The following CADM2 variants were observed in gnomAD, a reference collection of about 807,000 sequenced individuals.
The protein encoded by CADM2 is immunoglobulin superfamily member 4D.
Under a neutral mutation model 49.8 loss-of-function variants are expected in CADM2, and 12 were observed. The ratio of observed to expected loss-of-function variants is 0.24; its 90% CI spans 0.15 to 0.39. The LOEUF (loss-of-function observed/expected upper bound fraction) is 0.39. Among genes scored for constraint, CADM2 ranks in the 10% least tolerant of loss-of-function variants. The probability of loss-of-function intolerance (pLI) is 1.00; values close to 1 mark genes in which losing one functional copy is unlikely to be tolerated. For synonymous variants in CADM2, 214 were observed against 175.4 expected (o/e 1.22, Z -1.74); for missense variants, 378 against 492.3 (o/e 0.77, Z 2.20).
chr3:85,476,714 G>A (rs980360477), intron 1 of CADM2, among the ~76,000 whole-genome samples: 2 of 151,670 alleles, frequency 1.3e-5, no homozygotes, highest in African/African-American at 4.8e-5. Context: ...TATTTTTAAC[G>A]CATGGCTTGC....
intron 2 of CADM2, among the ~76,000 whole-genome samples, chr3:85,726,757 T>C (rs1051495337): frequency 6.6e-6 from 1 of 152,120 alleles, no homozygotes; most frequent in African/African-American, 2.4e-5. Context: ...TGAGTTTGTT[T>C]TCTTGTTTCA....
intron 8 of CADM2, among the ~76,000 whole-genome samples, chr3:86,041,153 C>G (rs1273477297): frequency 2.6e-5 from 4 of 152,164 alleles, no homozygotes; most frequent in Non-Finnish European, 4.4e-5. Context: ...ACCGTCGAGG[C>G]TAAGAAGAAA....
chr3:85,212,499 A>G (rs1042436462), intron 1 of CADM2, among the ~76,000 whole-genome samples: 3 of 152,144 alleles, frequency 2.0e-5, no homozygotes, highest in Non-Finnish European at 2.9e-5. Context: ...TCAATTCATT[A>G]TTTTAAACTA....
intron 1 of CADM2, among the ~76,000 whole-genome samples, chr3:85,275,676 T>C (rs1267083165): frequency 6.6e-6 from 1 of 151,300 alleles, no homozygotes; most frequent in Non-Finnish European, 1.5e-5. Flanking sequence ...TACAAAATGT[T>C]CTCTTTTAAT....
intron 1 of CADM2, among the ~76,000 whole-genome samples, chr3:85,155,620 A>G (rs1018436545): frequency 6.6e-6 from 1 of 152,092 alleles, no homozygotes; most frequent in Non-Finnish European, 1.5e-5. Context: ...TCTCCACCCC[A>G]AATCAACAGA....
chr3:85,353,906 T>A (rs1050698610), intron 1 of CADM2, among the ~76,000 whole-genome samples: 1 of 152,052 alleles, frequency 6.6e-6, no homozygotes, highest in East Asian at 1.9e-4. Context: ...ATCTTTCAAT[T>A]TGAATAAATG....
At chr3:85,500,780 G>A (rs1425356776) in intron 1 of CADM2, among the ~76,000 whole-genome samples, 2 of 152,058 alleles carry the variant, frequency 1.3e-5, no homozygotes, top group East Asian at 1.9e-4. Context: ...GCCTCCCAAA[G>A]TTCTGGGATT....
In CADM2 at chr3:85,066,901, C is replaced by A. The variant is rs1056991089; in HGVS notation, c.61+107233C>A. On this transcript the variant is annotated intron_variant, in intron 1 of 9. Transcript: ENST00000383699. ...CATTCTTACGACATTCCACACTTCT[C>A]CTTTCTTGTTTATTATCTCTTATCC... Among the ~76,000 whole-genome samples the A allele has an allele frequency of 2.0e-5, 3 of 152,248 alleles. 1 individual carries two copies. The highest frequency in any genetic ancestry group is 2.0e-4 in the Admixed American group (3 of 15,278).
intron 1 of CADM2, among the ~76,000 whole-genome samples, chr3:85,487,546 C>T (rs1484352446): frequency 9.8e-6 from 1 of 102,414 alleles, no homozygotes; most frequent in African/African-American, 3.9e-5. Context: ...AGGAGGAGGA[C>T]GAGGAGGAGG....
intron 1 of CADM2, among the ~76,000 whole-genome samples, chr3:85,493,420 T>C (rs1187900978): frequency 7.2e-6 from 1 of 138,772 alleles, no homozygotes; most frequent in Non-Finnish European, 1.6e-5. Flanking sequence ...TCAACTTTCA[T>C]TAAATTTTAT....
chr3:85,504,848 A>C (rs1342327064), intron 1 of CADM2, among the ~76,000 whole-genome samples: 1 of 152,150 alleles, frequency 6.6e-6, no homozygotes, highest in Non-Finnish European at 1.5e-5. Flanking sequence ...GCCCGGCGAG[A>C]AATAGAGCGC....
chr3:85,279,058 A>G (rs1166129843), intron 1 of CADM2, among the ~76,000 whole-genome samples: 2 of 151,480 alleles, frequency 1.3e-5, no homozygotes, highest in African/African-American at 4.8e-5. Flanking sequence ...AGATGCATAT[A>G]CTGATTAGTT....
chr3:85,500,053 C>G (rs778645313), intron 1 of CADM2, among the ~76,000 whole-genome samples: 11 of 152,086 alleles, frequency 7.2e-5, no homozygotes, highest in Non-Finnish European at 1.3e-4. Flanking sequence ...ATTTATTACT[C>G]AGTAATTACA....
intron 1 of CADM2, among the ~76,000 whole-genome samples, chr3:84,983,490 T>C (rs2032338261): frequency 6.6e-6 from 1 of 152,132 alleles, no homozygotes; most frequent in African/African-American, 2.4e-5. Flanking sequence ...CACAGATACC[T>C]TTTAAGAGAG....
intron 1 of CADM2, among the ~76,000 whole-genome samples, chr3:85,059,245 T>G (rs538655410): frequency 6.7e-6 from 1 of 149,468 alleles, no homozygotes; most frequent in Non-Finnish European, 1.5e-5. Flanking sequence ...TCTCAAAAAA[T>G]AAATAAATAA....
intron 1 of CADM2, among the ~76,000 whole-genome samples, chr3:85,517,826 T>TATTATTTA (rs2060940135): frequency 6.6e-6 from 1 of 152,206 alleles, no homozygotes; most frequent in South Asian, 2.1e-4. Flanking sequence ...ATTTCTTACT[T>TATTATTTA]ATTATTTAAC....
chr3:85,680,781 G>A (rs1025881099), intron 1 of CADM2, among the ~76,000 whole-genome samples: 2 of 152,072 alleles, frequency 1.3e-5, no homozygotes, highest in Non-Finnish European at 2.9e-5. Context: ...GCTTTCTGGA[G>A]TAAGCCTGAT....
At chr3:85,942,658 A>T (rs1378369890) in intron 7 of CADM2, among the ~76,000 whole-genome samples, 1 of 151,940 alleles carries the variant, frequency 6.6e-6, no homozygotes, top group African/African-American at 2.4e-5. Context: ...TACAAAGGAC[A>T]TGAACTCATC....
At chr3:84,993,463 C>G (rs1363577163) in intron 1 of CADM2, among the ~76,000 whole-genome samples, 2 of 152,108 alleles carry the variant, frequency 1.3e-5, no homozygotes, top group African/African-American at 4.8e-5. Context: ...GTGGTAGTAA[C>G]AGTTAAAATC....
Sources: allele counts gnomAD v4.1 joint callset (sites outside exome capture counted in the v4.1 genomes callset), GRCh38; gene constraint gnomAD v4.1.1; transcripts MANE v1.5; gene names NCBI Gene and HGNC (gene_info 2026-07-23, HGNC 2026-07-21).